The following NDFIP2 variants were observed in gnomAD, a reference collection of about 807,000 sequenced individuals.
NDFIP2 encodes Nedd4 family interacting protein 2.
In NDFIP2, 19 loss-of-function variants were observed where a neutral mutation model predicts 36.0. The observed-to-expected ratio is 0.53, with a 90% CI of 0.37 to 0.77. The LOEUF (loss-of-function observed/expected upper bound fraction) is 0.77. NDFIP2 is among the 30% of genes least tolerant of loss of function. The pLI, the probability that NDFIP2 is intolerant of heterozygous loss-of-function variation, is 0.00. For missense variants in NDFIP2, 446 were observed against 435.8 expected (o/e 1.02, Z -0.21); for synonymous variants, 181 against 167.7 (o/e 1.08, Z -0.61).
intron 1 of NDFIP2, among the ~76,000 whole-genome samples, chr13:79,514,205 A>C (rs1429184949): frequency 6.6e-6 from 1 of 152,244 alleles, no homozygotes; most frequent in East Asian, 1.9e-4. Flanking sequence ...TAATGGCAAC[A>C]TATTAAGAAA....
intron 1 of NDFIP2, among the ~76,000 whole-genome samples, chr13:79,503,571 T>G (rs572511555): frequency 2.0e-5 from 3 of 152,278 alleles, no homozygotes; most frequent in Admixed American, 2.0e-4. Context: ...TGTATGAATG[T>G]AATGTTTTTG....
chr13:79,504,982 G>A (rs1025024726), intron 1 of NDFIP2, among the ~76,000 whole-genome samples: 1 of 152,158 alleles, frequency 6.6e-6, no homozygotes, highest in Non-Finnish European at 1.5e-5. Context: ...GCAGGAGCCT[G>A]TTCCATCTGC....
At chr13:79,486,144 A>G (rs1872976683) in intron 1 of NDFIP2, among the ~76,000 whole-genome samples, 1 of 152,178 alleles carries the variant, frequency 6.6e-6, no homozygotes, top group Non-Finnish European at 1.5e-5. Flanking sequence ...TATATGCAAT[A>G]TTCCAAAATC....
chr13:79,533,202 A>G lies in NDFIP2; in HGVS notation c.488-121A>G, dbSNP rs144528405. 558 of 677,554 alleles carry G rather than the reference A, an allele frequency of 8.2e-4. 2 individuals are homozygous for G. Among genetic ancestry groups the G allele is most frequent in the Admixed American group, 3.6e-3 (105 of 28,994 alleles). The allele number at this position is 677,554 out of a possible 1,614,324, so 42.0% of individuals were successfully genotyped here. A position where few individuals can be genotyped will look rare whatever the true frequency, so the allele number is the denominator to read the frequency against. ...ATTTATATATTTTATAGCTTATAACATAGGCCTATAATAGCAATAGTAGTC... is the reference window on the plus strand; with the variant it reads ...ATTTATATATTTTATAGCTTATAACGTAGGCCTATAATAGCAATAGTAGTC... On this transcript the variant is annotated intron_variant, in intron 2 of 7. Coordinates refer to ENST00000218652, the MANE Select transcript of NDFIP2 (RefSeq NM_019080.3).
chr13:79,528,338 G>C (rs1482949509), intron 2 of NDFIP2, among the ~76,000 whole-genome samples: 1 of 152,114 alleles, frequency 6.6e-6, no homozygotes, highest in Non-Finnish European at 1.5e-5. Flanking sequence ...TTTGTACACT[G>C]TACAATGTGT....
rs184377566 is a variant in NDFIP2, at chr13:79,513,573, C to T, written c.322-7237C>T. Among the ~76,000 whole-genome samples the T allele has an allele frequency of 3.9e-5, 6 of 152,186 alleles. No homozygotes were observed. The East Asian group carries it at 1.2e-3, about 29-fold the overall frequency. On this transcript the variant is annotated intron_variant, in intron 1 of 7. Coordinates refer to ENST00000218652, the MANE Select transcript of NDFIP2 (RefSeq NM_019080.3). The stretch of plus-strand genomic sequence containing the variant: ...GATGGGAGCTAGATTGTTGGATTTT[C>T]AGAAGACTTTGAGAGGGTGAGTGGA...
chr13:79,548,905 TTAA>T (rs1436360571), intron 6 of NDFIP2, among the ~76,000 whole-genome samples: 1 of 152,054 alleles, frequency 6.6e-6, no homozygotes, highest in African/African-American at 2.4e-5. Flanking sequence ...TGTCTTTTTA[TTAA>T]TATTGATGGA....
intron 5 of NDFIP2, among the ~76,000 whole-genome samples, chr13:79,544,607 ATAAAT>A (rs1006740620): frequency 5.3e-5 from 8 of 152,124 alleles, no homozygotes; most frequent in African/African-American, 1.7e-4. Flanking sequence ...TATACAATTA[ATAAAT>A]TAAAATACAT....
intron 7 of NDFIP2, among the ~76,000 whole-genome samples, chr13:79,552,017 G>A (rs562493899): frequency 1.3e-5 from 2 of 151,178 alleles, no homozygotes; most frequent in Non-Finnish European, 3.0e-5. Flanking sequence ...TTGTGATTTG[G>A]TTGCTTACAT....
intron 4 of NDFIP2, among the ~76,000 whole-genome samples, chr13:79,540,639 G>A (rs1200792231): frequency 1.3e-5 from 2 of 152,144 alleles, no homozygotes; most frequent in African/African-American, 4.8e-5. Flanking sequence ...CTTATTTAAA[G>A]TGCCACATTC....
chr13:79,485,076 C>T lies in NDFIP2; in HGVS notation c.321+3552C>T, dbSNP rs117320796. Among the ~76,000 whole-genome samples, 145 of 152,206 alleles carry T rather than the reference C, an allele frequency of 9.5e-4. 1 individual carries two copies. In the East Asian group the frequency reaches 0.018, roughly 19 times the overall value. On this transcript the variant is annotated intron_variant, in intron 1 of 7. Transcript: ENST00000218652. ...ATTACTCATGACATAGCAAGCAGCACGAACATCAGCATATTTGTGTAGGTT... is the reference window on the plus strand; with the variant it reads ...ATTACTCATGACATAGCAAGCAGCATGAACATCAGCATATTTGTGTAGGTT...
chr13:79,520,650 A>G (rs1263003904), intron 1 of NDFIP2, among the ~76,000 whole-genome samples, 160 bp from the exon 2 acceptor site: 1 of 152,224 alleles, frequency 6.6e-6, no homozygotes, highest in East Asian at 1.9e-4. Flanking sequence ...GTTTTTTAAA[A>G]ACTTTGAAAT....
intron 5 of NDFIP2, among the ~76,000 whole-genome samples, chr13:79,546,377 A>G (rs188075532): frequency 6.6e-6 from 1 of 152,300 alleles, no homozygotes; most frequent in East Asian, 1.9e-4. Context: ...TGTTTTATTA[A>G]AAACTAACAA....
chr13:79,492,349 C>A (rs961053707), intron 1 of NDFIP2, among the ~76,000 whole-genome samples: 2 of 149,378 alleles, frequency 1.3e-5, no homozygotes, highest in African/African-American at 4.9e-5. Flanking sequence ...TCATCTATAT[C>A]AGATGACTTT....
intron 2 of NDFIP2, among the ~76,000 whole-genome samples, chr13:79,524,628 A>G (rs1480669970): frequency 6.6e-6 from 1 of 152,198 alleles, no homozygotes; most frequent in African/African-American, 2.4e-5. Flanking sequence ...ATTGTCTATT[A>G]TTAATAGGAC....
intron 3 of NDFIP2, among the ~76,000 whole-genome samples, chr13:79,535,866 A>G (rs369135517): frequency 2.6e-5 from 4 of 152,230 alleles, no homozygotes; most frequent in South Asian, 2.1e-4. Context: ...TTAAAACATC[A>G]TGTAATACAT....
rs948635560 is a variant in NDFIP2, at chr13:79,552,968, C to T, written c.*455C>T. The T allele has an allele frequency of 9.9e-5, 15 of 151,794 alleles. No homozygotes were observed. Among genetic ancestry groups the T allele is most frequent in the African/African-American group, 3.6e-4 (15 of 41,380 alleles). The allele number at this position is 151,794 out of a possible 1,614,324, so 9.4% of individuals were successfully genotyped here. A position where few individuals can be genotyped will look rare whatever the true frequency, so the allele number is the denominator to read the frequency against. On this transcript the variant is annotated 3_prime_UTR_variant, in exon 8 of 8. Transcript: ENST00000218652. The stretch of plus-strand genomic sequence containing the variant: ...CTCTTAGACTCATCTGGCAGTTCTA[C>T]ACATGAAACATCTTTTGTTATATAA...
At chr13:79,540,286 A>G (rs999408786) in intron 4 of NDFIP2, among the ~76,000 whole-genome samples, 9 of 152,218 alleles carry the variant, frequency 5.9e-5, no homozygotes, top group African/African-American at 2.2e-4. Context: ...GATCAGAAAC[A>G]GTAACATTTT....
chr13:79,537,195 C>T (rs1167880305), intron 3 of NDFIP2, among the ~76,000 whole-genome samples: 1 of 152,068 alleles, frequency 6.6e-6, no homozygotes, highest in East Asian at 1.9e-4. Flanking sequence ...GCAACCTCCG[C>T]CTCCCCAGTT....
Sources: gnomAD v4.1 joint callset for allele counts (sites outside exome capture counted in the v4.1 genomes callset) on GRCh38, gnomAD v4.1.1 for gene constraint, MANE v1.5 for transcripts, NCBI Gene and HGNC (gene_info 2026-07-23, HGNC 2026-07-21) for gene names.